The following PLCE1 variants were observed in gnomAD, a reference collection of about 807,000 sequenced individuals.
The protein encoded by PLCE1 is phospholipase C epsilon 1, also known as 1-phosphatidylinositol 4,5-bisphosphate phosphodiesterase epsilon-1.
PLCE1 carries 119 observed loss-of-function variants against 242.8 expected under a neutral mutation model. The observed-to-expected ratio is 0.49, with a 90% CI of 0.42 to 0.57. PLCE1 has a LOEUF of 0.57. Ranked by LOEUF, PLCE1 falls within the 20% of genes least tolerant of loss-of-function variation. The pLI is 0.00. For synonymous variants in PLCE1, 945 were observed against 1,017.4 expected, an observed-to-expected ratio of 0.93 and a Z score of 1.35; for missense variants, 2,441 against 2,788.8, an observed-to-expected ratio of 0.88 and a Z score of 2.81.
At chr10:94,126,468 C>T (rs1362486124) in intron 2 of PLCE1, among the ~76,000 whole-genome samples, 10 of 152,148 alleles carry the variant, frequency 6.6e-5, no homozygotes, top group Admixed American at 1.3e-4. Flanking sequence ...CTGCCTTCCC[C>T]ATGAAAATGA....
chr10:94,226,831 CTTTT>C (rs1177112312), intron 4 of PLCE1, among the ~76,000 whole-genome samples: 2 of 101,818 alleles, frequency 2.0e-5, no homozygotes, highest in African/African-American at 7.7e-5. Context: ...ACCTATAGGT[CTTTT>C]TTTTTTTTTT....
At chr10:94,107,620 T>C (rs1203102526) in intron 2 of PLCE1, 1 of 152,170 alleles carries the variant, frequency 6.6e-6, no homozygotes, top group African/African-American at 2.4e-5. Flanking sequence ...TAAATAGCTT[T>C]TTTTTTTAAG....
At chr10:94,169,934 G>A (rs1280972725) in intron 3 of PLCE1, among the ~76,000 whole-genome samples, 1 of 152,182 alleles carries the variant, frequency 6.6e-6, no homozygotes, top group African/African-American at 2.4e-5. Flanking sequence ...CCAGACGAAG[G>A]CCAAGGAACT....
At chr10:94,006,149 G>A (rs754928516) in intron 1 of PLCE1, among the ~76,000 whole-genome samples, 7 of 152,180 alleles carry the variant, frequency 4.6e-5, no homozygotes, top group Non-Finnish European at 8.8e-5. Context: ...TACAGATTAA[G>A]CTATTTTTAA....
intron 1 of PLCE1, among the ~76,000 whole-genome samples, chr10:93,997,082 G>T (rs1430055419): frequency 3.9e-5 from 6 of 152,176 alleles, no homozygotes; most frequent in African/African-American, 1.4e-4. Context: ...ACCACTCCAA[G>T]AACTTTTATC....
intron 4 of PLCE1, among the ~76,000 whole-genome samples, chr10:94,222,058 C>G (rs2137092368): frequency 6.6e-6 from 1 of 152,234 alleles, no homozygotes; most frequent in South Asian, 2.1e-4. Flanking sequence ...GCCTGTCTGC[C>G]AGAGACACTG....
At chr10:94,185,501 G>GA (rs920414708) in intron 4 of PLCE1, among the ~76,000 whole-genome samples, 4 of 151,126 alleles carry the variant, frequency 2.6e-5, no homozygotes, top group Non-Finnish European at 4.4e-5. Flanking sequence ...CACCTAAAAA[G>GA]AAAAAAAAAT....
At chr10:94,265,440 T>G (rs534118390) in intron 14 of PLCE1, among the ~76,000 whole-genome samples, 10 of 152,346 alleles carry the variant, frequency 6.6e-5, no homozygotes, top group African/African-American at 2.4e-4. Context: ...TAAATAAATA[T>G]GCTTAGTATA....
At chr10:94,244,598 A>G (rs2050616284) in intron 7 of PLCE1, among the ~76,000 whole-genome samples, 1 of 152,228 alleles carries the variant, frequency 6.6e-6, no homozygotes, top group African/African-American at 2.4e-5. Context: ...GTATACCTAC[A>G]CACATGCACA....
chr10:94,286,112 A>G (rs1429351600), intron 22 of PLCE1, among the ~76,000 whole-genome samples: 1 of 152,184 alleles, frequency 6.6e-6, no homozygotes, highest in Non-Finnish European at 1.5e-5. Flanking sequence ...TCATACTAAG[A>G]AAAAGGATTC....
chr10:94,224,196 C>T (rs1163262518), intron 4 of PLCE1, among the ~76,000 whole-genome samples: 1 of 151,902 alleles, frequency 6.6e-6, no homozygotes, highest in East Asian at 1.9e-4. Flanking sequence ...GACTCACACT[C>T]GGCAATGGAA....
At chr10:94,229,086 G>T (rs1284122521) in intron 5 of PLCE1, among the ~76,000 whole-genome samples, 1 of 151,992 alleles carries the variant, frequency 6.6e-6, no homozygotes, top group African/African-American at 2.4e-5. Context: ...GGAGGCTGAG[G>T]CAGGAGAATC....
intron 11 of PLCE1, among the ~76,000 whole-genome samples, chr10:94,255,914 A>ACACTCTCTCTCT (rs1284531207): frequency 1.6e-3 from 110 of 67,320 alleles, no homozygotes; most frequent in Non-Finnish European, 2.1e-3. Flanking sequence ...ACACACACAC[A>ACACTCTCTCTCT]CTCTCTCTCT....
chr10:94,172,093 G>A (rs1029011784), intron 4 of PLCE1, among the ~76,000 whole-genome samples: 12 of 152,152 alleles, frequency 7.9e-5, no homozygotes, highest in Non-Finnish European at 1.3e-4. Context: ...GAAGAAGACA[G>A]GTGTGACTGG....
intron 11 of PLCE1, among the ~76,000 whole-genome samples, chr10:94,255,912 ACACTCTCTCTCTCTCTCT>A (rs1275557306): frequency 9.7e-4 from 84 of 87,018 alleles, no homozygotes; most frequent in African/African-American, 1.5e-3. Flanking sequence ...ACACACACAC[ACACTCTCTCTCTCTCTCT>A]CTCTCTCTCT....
In PLCE1 at chr10:94,045,867, G is replaced by A. The variant is rs181801174; in HGVS notation, c.1206+13615G>A. On this transcript the variant is annotated intron_variant, in intron 2 of 32. Transcript: ENST00000371380. ...TGTACTCCCAGCACTTTGGGAGGCC[G>A]AGGCGGGTGGATCACAAGGTCAGGA... Among the ~76,000 whole-genome samples, 6 of 152,192 alleles carry A rather than the reference G, an allele frequency of 3.9e-5. No homozygotes were observed. In the East Asian group the frequency reaches 9.7e-4, roughly 25 times the overall value.
chr10:94,226,237 CG>C (rs2049932805), intron 4 of PLCE1, among the ~76,000 whole-genome samples: 1 of 152,170 alleles, frequency 6.6e-6, no homozygotes, highest in Non-Finnish European at 1.5e-5. Context: ...GCAGGAAAAA[CG>C]AATCACATTA....
intron 2 of PLCE1, among the ~76,000 whole-genome samples, chr10:94,064,436 G>A (rs1249753876): frequency 6.6e-6 from 1 of 152,164 alleles, no homozygotes; most frequent in African/African-American, 2.4e-5. Context: ...CAACTACTCA[G>A]GAGGCTGAGG....
At chr10:94,204,289 G>A (rs2049073686) in intron 4 of PLCE1, among the ~76,000 whole-genome samples, 1 of 152,124 alleles carries the variant, frequency 6.6e-6, no homozygotes, top group Non-Finnish European at 1.5e-5. Flanking sequence ...AGAAGAGGAA[G>A]GAGAGAAAGA....
Sources: gnomAD v4.1 joint callset for allele counts (sites outside exome capture counted in the v4.1 genomes callset) on GRCh38, gnomAD v4.1.1 for gene constraint, MANE v1.5 for transcripts, NCBI Gene and HGNC (gene_info 2026-07-23, HGNC 2026-07-21) for gene names.